Variants in GSDMB observed in about 807,000 individuals in gnomAD.
GSDMB encodes gasdermin B, also known as gasdermin-B.
Under a neutral mutation model 42.9 loss-of-function variants are expected in GSDMB, and 32 were observed. The ratio of observed to expected loss-of-function variants is 0.75; its 90% CI spans 0.56 to 1.00. The LOEUF (loss-of-function observed/expected upper bound fraction) is 1.00, where lower values mean the gene tolerates loss of function less well. Ranked by LOEUF, GSDMB falls within the 50% of genes least tolerant of loss-of-function variation. The pLI, the probability that GSDMB is intolerant of heterozygous loss-of-function variation, is 0.00. For missense variants in GSDMB, 468 were observed against 498.5 expected (o/e 0.94, Z 0.58); for synonymous variants, 175 against 193.7 (o/e 0.90, Z 0.80).
intron 3 of GSDMB, 30 bp downstream of exon 3, chr17:39,912,296 T>C (rs2063625297): frequency 1.9e-6 from 3 of 1,578,884 alleles, no homozygotes; most frequent in Non-Finnish European, 2.6e-6. Context: ...CTTCTTCCCC[T>C]CCTTCCCTGC....
chr17:39,914,841 T>G (rs547100493), intron 2 of GSDMB, among the ~76,000 whole-genome samples: 4 of 150,276 alleles, frequency 2.7e-5, no homozygotes, highest in Non-Finnish European at 5.9e-5. Flanking sequence ...CACTTTTTTT[T>G]TTGTTTTTTT....
intron 5 of GSDMB, among the ~76,000 whole-genome samples, chr17:39,908,749 T>A (rs1419276934): frequency 6.6e-6 from 1 of 152,120 alleles, no homozygotes; most frequent in Non-Finnish European, 1.5e-5. Flanking sequence ...TTCAGGCAAA[T>A]CCTGGGTCAG....
chr17:39,906,690 C>A, intron 7 of GSDMB: 3 of 1,105,878 alleles, frequency 2.7e-6, no homozygotes, highest in Non-Finnish European at 1.2e-6. Flanking sequence ...GTCCAGGCCA[C>A]ACCCCCACAA....
chr17:39,905,096 G>T, intron 10 of GSDMB, 132 bp from the exon 11 acceptor site: 1 of 757,292 alleles, frequency 1.3e-6, no homozygotes. Flanking sequence ...CTTTCCTGCA[G>T]AGCCCGGAGA....
chr17:39,906,703 A>C, intron 7 of GSDMB: 8 of 1,210,316 alleles, frequency 6.6e-6, no homozygotes, highest in Non-Finnish European at 8.6e-6. Context: ...CCCCACAATT[A>C]AGTCAGAGTT....
intron 2 of GSDMB, among the ~76,000 whole-genome samples, chr17:39,913,567 C>G (rs2063655097): frequency 6.6e-6 from 1 of 151,964 alleles, no homozygotes. Context: ...TGCAGTGAGC[C>G]AAGATCAAGC....
intron 2 of GSDMB, 95 bp downstream of exon 2, chr17:39,916,987 T>C (rs1598281488): frequency 2.5e-6 from 2 of 793,242 alleles, no homozygotes; most frequent in East Asian, 2.5e-5. Context: ...AGTTTCGTTG[T>C]TGATTGGTTG....
At chr17:39,914,906 C>G (rs1159417579) in intron 2 of GSDMB, among the ~76,000 whole-genome samples, 1 of 149,468 alleles carries the variant, frequency 6.7e-6, no homozygotes, top group Non-Finnish European at 1.5e-5. Flanking sequence ...ATAATCATGG[C>G]TCACTGTGCA....
At position 39,913,687 on chromosome 17, in the gene GSDMB, T is replaced by A. The variant is rs1213896838; in HGVS notation, c.236-1190A>T. 2.0e-5 allele frequency among the ~76,000 whole-genome samples: 3 copies of A among 152,182 alleles called. No homozygotes were observed. The East Asian group carries it at 5.8e-4, about 29-fold the overall frequency. On this transcript the variant is annotated intron_variant, in intron 2 of 10. Transcript: ENST00000418519. ...TATGAAGTGAGGCAACCCTGGAAAG[T>A]CACAAACACGCATGGACTCGGCCCT...
At chr17:39,908,253 T>G in intron 5 of GSDMB, 39 bp from the exon 6 acceptor site, 1 of 1,198,838 alleles carries the variant, frequency 8.3e-7, no homozygotes, top group Non-Finnish European at 1.2e-6. Flanking sequence ...AACAAGTTAT[T>G]GGAGAGACCA....
At chr17:39,909,656 C>T (rs2063570137) in intron 4 of GSDMB, 100 bp downstream of exon 4, 3 of 1,081,350 alleles carry the variant, frequency 2.8e-6, no homozygotes, top group South Asian at 1.5e-5. Flanking sequence ...CAGGGCTGCT[C>T]GGAGAGGAGT....
At chr17:39,906,817 C>T in intron 7 of GSDMB, 144 bp downstream of exon 7, 1 of 1,508,628 alleles carries the variant, frequency 6.6e-7, no homozygotes, top group Non-Finnish European at 8.8e-7. Context: ...GATGCAGCCT[C>T]CAGACTAAAG....
intron 1 of GSDMB, chr17:39,917,553 T>C: frequency 2.1e-6 from 1 of 484,524 alleles, no homozygotes; most frequent in Non-Finnish European, 3.7e-6. Flanking sequence ...TTGTGATTTG[T>C]TCCTGCCCCA....
rs747954126 is a variant in GSDMB, at chr17:39,905,866, G to A, written c.1008C>T (p.Asp336=). 6.2e-7 allele frequency: 1 copy of A among 1,614,010 alleles called. No individual in the cohort carries two copies. Among genetic ancestry groups the A allele is most frequent in the Non-Finnish European group, 8.5e-7 (1 of 1,179,950 alleles). The stretch of plus-strand genomic sequence containing the variant: ...CCTCACCTAGCAGGGCATCCAGGAA[G>A]TCCAGAATGGCTTTTGCACGCGCTT... ...LVEARAKAIL[D]FLDALLELSE... The change falls in exon 9 of 11, where the codon GAC becomes GAT. Residue 336 remains aspartate, a synonymous_variant. Coordinates refer to ENST00000418519, the MANE Select transcript of GSDMB (RefSeq NM_001165958.2).
chr17:39,916,448 A>G (rs548056146), intron 2 of GSDMB, among the ~76,000 whole-genome samples: 1 of 151,412 alleles, frequency 6.6e-6, no homozygotes, highest in Admixed American at 6.6e-5. Context: ...ACGCCTGGCT[A>G]ATTTTTTGTA....
At chr17:39,909,281 T>C (rs1393986414) in intron 4 of GSDMB, among the ~76,000 whole-genome samples, 2 of 152,188 alleles carry the variant, frequency 1.3e-5, no homozygotes, top group Admixed American at 6.5e-5. Context: ...ATTCAACAAA[T>C]GTTTACTGAG....
chr17:39,905,402 G>A, intron 10 of GSDMB, 24 bp downstream of exon 10: 1 of 1,540,154 alleles, frequency 6.5e-7, no homozygotes, highest in Non-Finnish European at 8.9e-7. Context: ...CTATGACCAT[G>A]GCCCTCAGCC....
intron 8 of GSDMB, 24 bp downstream of exon 8, chr17:39,906,087 C>G: frequency 6.2e-7 from 1 of 1,613,630 alleles, no homozygotes; most frequent in Non-Finnish European, 8.5e-7. Flanking sequence ...CTCTCTGCCC[C>G]AAGGCTTTCT....
chr17:39,905,114 A>G, intron 10 of GSDMB, 150 bp from the exon 11 acceptor site: 2 of 699,776 alleles, frequency 2.9e-6, no homozygotes, highest in Non-Finnish European at 5.0e-6. Context: ...AGAGCTTCAT[A>G]CTCTCTCAAC....
Sources: allele counts gnomAD v4.1 joint callset (sites outside exome capture counted in the v4.1 genomes callset), GRCh38; gene constraint gnomAD v4.1.1; transcripts MANE v1.5; gene names NCBI Gene and HGNC (gene_info 2026-07-23, HGNC 2026-07-21).